The following RSPH9 variants were observed in gnomAD, a reference collection of about 807,000 sequenced individuals.
RSPH9 encodes radial spoke head component 9, also known as radial spoke head protein 9 homolog.
A neutral mutation model predicts 27.0 loss-of-function variants in RSPH9; 27 were observed. The observed-to-expected ratio is 1.00, with a 90% CI of 0.74 to 1.38. RSPH9 has a LOEUF of 1.38. RSPH9 is among the 40% of genes most tolerant of loss of function. The pLI is 0.00. For synonymous variants in RSPH9, 145 were observed against 147.7 expected (o/e 0.98, Z 0.13); for missense variants, 347 against 357.4 (o/e 0.97, Z 0.24).
At chr6:43,650,014 A>G (rs1339541363) in intron 1 of RSPH9, among the ~76,000 whole-genome samples, 2 of 152,088 alleles carry the variant, frequency 1.3e-5, no homozygotes, top group Admixed American at 1.3e-4. Flanking sequence ...CCCTGGTTCA[A>G]GCGATTCTCC....
At chr6:43,651,266 G>A (rs75495761) in intron 2 of RSPH9, among the ~76,000 whole-genome samples, 1 of 152,280 alleles carries the variant, frequency 6.6e-6, no homozygotes. Flanking sequence ...GTTAAGTGAT[G>A]TGCCCAAGGC....
intron 2 of RSPH9, among the ~76,000 whole-genome samples, chr6:43,652,823 T>A (rs1438211749): frequency 6.6e-6 from 1 of 152,070 alleles, no homozygotes; most frequent in Non-Finnish European, 1.5e-5. Flanking sequence ...TTTATTTTAT[T>A]TTTATTTGTT....
chr6:43,670,075 G>T lies in RSPH9; in HGVS notation c.671-714G>T, dbSNP rs1773556966. 2.0e-5 allele frequency among the ~76,000 whole-genome samples: 3 copies of T among 152,298 alleles called. No homozygotes were observed. The South Asian group carries it at 6.2e-4, about 32-fold the overall frequency. Reference sequence around the variant, plus strand: ...GAAATGGGGAAGACACAGCAAAATGGCAAGTAGTGGCAAACCACACTAGAA... The same window carrying T: ...GAAATGGGGAAGACACAGCAAAATGTCAAGTAGTGGCAAACCACACTAGAA... On this transcript the variant is annotated intron_variant, in intron 4 of 4. Transcript: ENST00000372163.
intron 4 of RSPH9, among the ~76,000 whole-genome samples, chr6:43,664,027 GAAAAA>G (rs1294350617): frequency 2.5e-5 from 2 of 79,080 alleles, no homozygotes; most frequent in Non-Finnish European, 4.8e-5. Flanking sequence ...AGAATGTCTC[GAAAAA>G]AAAAAAAAAA....
intron 2 of RSPH9, among the ~76,000 whole-genome samples, chr6:43,654,204 C>T (rs1023570511): frequency 3.9e-5 from 6 of 152,182 alleles, no homozygotes; most frequent in Non-Finnish European, 5.9e-5. Context: ...TCTGTTGACA[C>T]GCATTCTCTG....
intron 4 of RSPH9, among the ~76,000 whole-genome samples, chr6:43,658,276 C>T (rs181416397): frequency 1.7e-4 from 21 of 120,254 alleles, no homozygotes; most frequent in African/African-American, 2.6e-4. Context: ...GGGGCAACAG[C>T]GCAAAACTCC....
At chr6:43,658,311 G>GAAAAAAAA (rs1272673497) in intron 4 of RSPH9, among the ~76,000 whole-genome samples, 27 of 101,024 alleles carry the variant, frequency 2.7e-4, no homozygotes, top group African/African-American at 6.3e-4. Flanking sequence ...AAAAAAAAAA[G>GAAAAAAAA]AAAAAAAAAA....
chr6:43,656,554 T>C, intron 3 of RSPH9, 23 bp from the exon 4 acceptor site: 1 of 1,614,144 alleles, frequency 6.2e-7, no homozygotes, highest in Middle Eastern at 1.7e-4. Flanking sequence ...ACCATCATTT[T>C]CCTGCCTGCC....
intron 4 of RSPH9, among the ~76,000 whole-genome samples, chr6:43,659,043 C>T: frequency 6.6e-6 from 1 of 152,198 alleles, no homozygotes. Flanking sequence ...ACAGCATCTT[C>T]ACTAGGAGTG....
intron 1 of RSPH9, among the ~76,000 whole-genome samples, chr6:43,649,176 G>T (rs569607083): frequency 1.3e-4 from 19 of 151,740 alleles, no homozygotes; most frequent in Admixed American, 3.3e-4. Flanking sequence ...GTTTTTTTTT[G>T]TTTTGTTTTT....
intron 4 of RSPH9, among the ~76,000 whole-genome samples, chr6:43,668,294 C>T (rs905406736): frequency 2.6e-5 from 4 of 152,100 alleles, no homozygotes; most frequent in Admixed American, 6.5e-5. Context: ...ACTCCTGGCA[C>T]GTTGAGTCTG....
chr6:43,648,884 A>T (rs1771152282), intron 1 of RSPH9, among the ~76,000 whole-genome samples: 1 of 152,140 alleles, frequency 6.6e-6, no homozygotes, highest in South Asian at 2.1e-4. Flanking sequence ...AAGGCCCTGG[A>T]GGAGCGGGAA....
At chr6:43,652,040 C>A (rs967876306) in intron 2 of RSPH9, among the ~76,000 whole-genome samples, 1 of 151,864 alleles carries the variant, frequency 6.6e-6, no homozygotes, top group Non-Finnish European at 1.5e-5. Flanking sequence ...GGCACGGTGG[C>A]TCATGCCTGT....
At chr6:43,646,919 C>T (rs1770933151) in intron 1 of RSPH9, among the ~76,000 whole-genome samples, 1 of 148,228 alleles carries the variant, frequency 6.7e-6, no homozygotes, top group Non-Finnish European at 1.5e-5. Flanking sequence ...TCATGCCACG[C>T]ACTCCAGCCT....
intron 3 of RSPH9, among the ~76,000 whole-genome samples, chr6:43,656,043 T>C (rs1407592541): frequency 0.02 from 1,609 of 78,748 alleles, 13 homozygotes; most frequent in Non-Finnish European, 0.029. Flanking sequence ...CTTCCCCTTC[T>C]TTCCCTTCTT....
Position 43,646,664 on chromosome 6 carries a change from CAAAAAA to C in RSPH9, c.227+1350_227+1355del, listed in dbSNP as rs751591133. Among the ~76,000 whole-genome samples the C allele has an allele frequency of 4.2e-5, 3 of 71,588 alleles. 1 individual carries two copies. Among genetic ancestry groups the C allele is most frequent in the Admixed American group, 1.7e-4 (1 of 5,796 alleles). 47.0% of individuals were successfully genotyped at this position (71,588 alleles called of 152,430 possible). A position where few individuals can be genotyped will look rare whatever the true frequency, so the allele number is the denominator to read the frequency against. On this transcript the variant is annotated intron_variant, in intron 1 of 4. Coordinates refer to ENST00000372163, the MANE Select transcript of RSPH9 (RefSeq NM_152732.5). ...GCAATATAGCAAGACCTCATCACTA[CAAAAAA>C]AAAAAAAAAAGGCAGGGTGTGGTGG...
intron 3 of RSPH9, 33 bp downstream of exon 3, chr6:43,655,724 G>T (rs757763237): frequency 9.9e-6 from 16 of 1,613,592 alleles, no homozygotes; most frequent in Non-Finnish European, 1.4e-5. Flanking sequence ...CAAGGGCTGG[G>T]GGTATCTTTT....
At position 43,671,684 on chromosome 6, in the gene RSPH9, T is replaced by C. The variant is rs183928803; in HGVS notation, c.*735T>C. ...GTGGTGGGGTGGGACAGGAGTATAG[T>C]TGTGGCCAAGGGCTTGTGAGTGGGC... On this transcript the variant is annotated 3_prime_UTR_variant, in exon 5 of 5. Transcript: ENST00000372163. The C allele has an allele frequency of 1.5e-5, 24 of 1,556,536 alleles. No homozygotes were observed. In the African/African-American group the frequency reaches 2.3e-4, roughly 15 times the overall value.
At chr6:43,663,018 A>G (rs7751728) in intron 4 of RSPH9, among the ~76,000 whole-genome samples, 37,702 of 151,176 alleles carry the variant, frequency 0.25, 8,323 homozygotes, top group African/African-American at 0.59. Context: ...GGCTGGTTTC[A>G]AACTCCTGCA....
Sources: allele counts gnomAD v4.1 joint callset (sites outside exome capture counted in the v4.1 genomes callset), GRCh38; gene constraint gnomAD v4.1.1; transcripts MANE v1.5; gene names NCBI Gene and HGNC (gene_info 2026-07-23, HGNC 2026-07-21).